CRISP2: variants seen among roughly 807,000 people sequenced by gnomAD.
The protein encoded by CRISP2 is cysteine rich secretory protein 2.
A neutral mutation model predicts 31.7 loss-of-function variants in CRISP2; 29 were observed. The observed-to-expected ratio is 0.92, with a 90% CI of 0.68 to 1.25. The LOEUF is 1.25. Among genes scored for constraint, CRISP2 ranks in the 50% most tolerant of loss-of-function variants. The probability of loss-of-function intolerance (pLI) is 0.00; values close to 1 mark genes in which losing one functional copy is unlikely to be tolerated. For synonymous variants in CRISP2, 111 were observed against 101.4 expected (o/e 1.09, Z -0.57); for missense variants, 318 against 286.5 (o/e 1.11, Z -0.79).
chr6:49,694,448 C>G (rs915263535), intron 9 of CRISP2, among the ~76,000 whole-genome samples: 5 of 152,248 alleles, frequency 3.3e-5, no homozygotes, highest in African/African-American at 1.2e-4. Flanking sequence ...AATCTGGATA[C>G]CAATCTGCAT....
chr6:49,685,916 A>G, the CRISP2 span, among the ~76,000 whole-genome samples: 13 of 152,170 alleles, frequency 8.5e-5, no homozygotes, highest in South Asian at 4.1e-4. Context: ...CTATACAAAG[A>G]GGAATACCCA....
At chr6:49,687,579 A>T (rs909597446), downstream of CRISP2, among the ~76,000 whole-genome samples, 2 of 152,210 alleles carry the variant, frequency 1.3e-5, no homozygotes, top group Non-Finnish European at 2.9e-5. Context: ...AAATGACCAC[A>T]CAGTACCCAT....
chr6:49,702,162 T>C (rs1196987569), intron 4 of CRISP2, among the ~76,000 whole-genome samples: 1 of 119,988 alleles, frequency 8.3e-6, no homozygotes, highest in African/African-American at 3.0e-5. Flanking sequence ...TATATATATA[T>C]ATATATATAT....
downstream of CRISP2, among the ~76,000 whole-genome samples, chr6:49,687,440 T>G (rs1448842631): frequency 6.6e-6 from 1 of 152,226 alleles, no homozygotes; most frequent in Non-Finnish European, 1.5e-5. Context: ...ATTATCTAAC[T>G]CTTCCTGTCC....
chr6:49,699,956 A>T, intron 5 of CRISP2, 65 bp from the exon 6 acceptor site: 1 of 1,369,812 alleles, frequency 7.3e-7, no homozygotes, highest in Non-Finnish European at 1.0e-6. Flanking sequence ...ACACTTTATA[A>T]TCTGATTTGT....
intron 8 of CRISP2, 128 bp from the exon 9 acceptor site, chr6:49,696,052 C>A: frequency 1.8e-6 from 1 of 547,606 alleles, no homozygotes; most frequent in South Asian, 3.0e-5. Context: ...TGAAAAATTA[C>A]AATTCCCAAT....
chr6:49,701,901 A>G (rs1444778764), intron 4 of CRISP2, among the ~76,000 whole-genome samples: 1 of 59,220 alleles, frequency 1.7e-5, no homozygotes, highest in Non-Finnish European at 2.8e-5. Context: ...ATTATTATAT[A>G]TTATGTATTA....
chr6:49,706,633 T>C (rs188913190), intron 4 of CRISP2, among the ~76,000 whole-genome samples: 38 of 152,276 alleles, frequency 2.5e-4, no homozygotes, highest in Admixed American at 1.2e-3. Context: ...CACAAGAATA[T>C]GATGTTATAT....
At chr6:49,683,704 T>A in the CRISP2 span, among the ~76,000 whole-genome samples, 111 of 96,190 alleles carry the variant, frequency 1.2e-3, no homozygotes, top group Non-Finnish European at 1.5e-3. Flanking sequence ...AATATATATA[T>A]ATATATATAT....
At chr6:49,702,723 GC>G (rs2127417129) in intron 4 of CRISP2, among the ~76,000 whole-genome samples, 1 of 152,126 alleles carries the variant, frequency 6.6e-6, no homozygotes, top group African/African-American at 2.4e-5. Flanking sequence ...TAACTAGTTT[GC>G]GAAGATTTTC....
chr6:49,678,290 G>C, the CRISP2 span, among the ~76,000 whole-genome samples: 4 of 152,162 alleles, frequency 2.6e-5, no homozygotes, highest in East Asian at 7.8e-4. Context: ...AACTGATTGG[G>C]TTGATGAGGC....
upstream of CRISP2, among the ~76,000 whole-genome samples, chr6:49,714,133 G>T (rs11759134): frequency 0.19 from 29,128 of 152,162 alleles, 3,679 homozygotes; most frequent in Non-Finnish European, 0.27. Context: ...TGCAAGTTTA[G>T]CATACGTATC....
chr6:49,696,577 GAACTT>G (rs1561864832), intron 8 of CRISP2, among the ~76,000 whole-genome samples: 1 of 106,656 alleles, frequency 9.4e-6, no homozygotes, highest in Non-Finnish European at 2.0e-5. Flanking sequence ...TGTTATCCCA[GAACTT>G]AAAGTAAAAA....
At chr6:49,697,620 A>G (rs1014357061) in intron 8 of CRISP2, 20 of 1,074,620 alleles carry the variant, frequency 1.9e-5, no homozygotes, top group South Asian at 9.4e-5. Flanking sequence ...GGGAAGGCCA[A>G]TTGAAAGAAA....
At chr6:49,690,731 T>C (rs1764023289), downstream of CRISP2, among the ~76,000 whole-genome samples, 1 of 152,082 alleles carries the variant, frequency 6.6e-6, no homozygotes. Flanking sequence ...TAAAAAGGTA[T>C]ATATCAAAAT....
chr6:49,695,601 TTGA>T (rs147746599), intron 9 of CRISP2, among the ~76,000 whole-genome samples: 150 of 152,338 alleles, frequency 9.8e-4, no homozygotes, highest in African/African-American at 3.5e-3. Context: ...CAAAAACACA[TTGA>T]TGATAAATAT....
the CRISP2 span, among the ~76,000 whole-genome samples, chr6:49,679,958 G>T: frequency 2.6e-5 from 4 of 152,084 alleles, no homozygotes; most frequent in African/African-American, 9.7e-5. Flanking sequence ...CACCAGCTGT[G>T]GCCTTCCAAA....
chr6:49,699,262 A>AT (rs1451750041), intron 6 of CRISP2, among the ~76,000 whole-genome samples: 1 of 151,938 alleles, frequency 6.6e-6, no homozygotes. Context: ...AAAAATATTC[A>AT]TTTTTATAGA....
the CRISP2 span, among the ~76,000 whole-genome samples, chr6:49,687,197 A>G: frequency 6.6e-6 from 1 of 152,162 alleles, no homozygotes; most frequent in Non-Finnish European, 1.5e-5. Flanking sequence ...AAAAGCCTTT[A>G]ATTTTTAAAT....
Sources: allele counts gnomAD v4.1 joint callset (sites outside exome capture counted in the v4.1 genomes callset), GRCh38; gene constraint gnomAD v4.1.1; transcripts MANE v1.5; gene names NCBI Gene and HGNC (gene_info 2026-07-23, HGNC 2026-07-21).